CTTNBP2: variants seen among roughly 807,000 people sequenced by gnomAD.
CTTNBP2 encodes the protein cortactin binding protein 2.
In CTTNBP2, 108 loss-of-function variants were observed where a neutral mutation model predicts 156.9. The ratio of observed to expected loss-of-function variants is 0.69; its 90% CI spans 0.59 to 0.81. The LOEUF is 0.81. Ranked by LOEUF, CTTNBP2 falls within the 30% of genes least tolerant of loss-of-function variation. The probability of loss-of-function intolerance (pLI) is 0.00; values close to 1 mark genes in which losing one functional copy is unlikely to be tolerated. For missense variants in CTTNBP2, 1,924 were observed against 2,035.4 expected (o/e 0.95, Z 1.05); for synonymous variants, 767 against 751.8 (o/e 1.02, Z -0.33).
intron 22 of CTTNBP2, among the ~76,000 whole-genome samples, chr7:117,717,239 C>T (rs940287466): frequency 6.6e-6 from 1 of 152,054 alleles, no homozygotes; most frequent in Non-Finnish European, 1.5e-5. Flanking sequence ...CCTGGTTCTT[C>T]TAGTTGCCAT....
In CTTNBP2 at chr7:117,743,364, C is replaced by T. The variant is rs1374605597; in HGVS notation, c.3535+2467G>A. The stretch of plus-strand genomic sequence containing the variant: ...ACAGGGGAAAAATGATGTTTTGGCA[C>T]TAGGGCGTTTTTAAAGCCAGTAGTG... On this transcript the variant is annotated intron_variant, in intron 14 of 22. Coordinates refer to ENST00000160373, the MANE Select transcript of CTTNBP2 (RefSeq NM_033427.3). 3.3e-5 allele frequency among the ~76,000 whole-genome samples: 5 copies of T among 152,234 alleles called. No homozygotes were observed. In the East Asian group the frequency reaches 9.6e-4, roughly 29 times the overall value.
chr7:117,759,948 A>C (rs1284265770), intron 10 of CTTNBP2, among the ~76,000 whole-genome samples: 2 of 152,208 alleles, frequency 1.3e-5, no homozygotes, highest in Non-Finnish European at 2.9e-5. Flanking sequence ...AATTGAAATA[A>C]CCAATTACCA....
chr7:117,757,904 T>A lies in CTTNBP2; in HGVS notation c.3239A>T (p.Lys1080Met). 1 of 1,613,060 alleles carries A rather than the reference T, an allele frequency of 6.2e-7. No individual in the cohort carries two copies. The highest frequency in any genetic ancestry group is 8.5e-7 in the Non-Finnish European group (1 of 1,179,484). ...CAAAAGCACAGTGATGTGCTCTGCC[T>A]TATTCTTCCTCATAAAGTCCCACGG... Reference protein sequence around the residue: ...QSPWDFMRKNKAEHITVLLSG... With the variant: ...QSPWDFMRKNMAEHITVLLSG... Residue 1080 changes from lysine to methionine, a missense_variant, in exon 11 of 23, where the codon AAG becomes ATG. Lys to Met is a moderately conservative substitution (Grantham distance 95). Coordinates refer to ENST00000160373, the MANE Select transcript of CTTNBP2 (RefSeq NM_033427.3).
intron 12 of CTTNBP2, among the ~76,000 whole-genome samples, chr7:117,749,701 CTTTT>C (rs372576044): frequency 0.016 from 2,468 of 151,910 alleles, 22 homozygotes; most frequent in South Asian, 0.032. Context: ...TGGTATAAAT[CTTTT>C]TTTATTTTTT....
At chr7:117,866,089 C>T (rs1314863510) in intron 1 of CTTNBP2, among the ~76,000 whole-genome samples, 1 of 151,740 alleles carries the variant, frequency 6.6e-6, no homozygotes, top group African/African-American at 2.4e-5. Context: ...GTGGGGAGGG[C>T]ATTCTTCAGG....
rs771104600 is a variant in CTTNBP2 at position 117,791,436 on chromosome 7, G to C, written c.1760C>G (p.Thr587Ser). 4 of 1,614,212 alleles carry C rather than the reference G, an allele frequency of 2.5e-6. No individual in the cohort carries two copies. In the South Asian group the frequency reaches 4.4e-5, roughly 18 times the overall value. Residue 587 changes from threonine to serine, a missense_variant, in exon 4 of 23, where the codon ACT (threonine) becomes AGT (serine). Thr to Ser is a moderately conservative substitution (Grantham distance 58). Coordinates refer to ENST00000160373, the MANE Select transcript of CTTNBP2 (RefSeq NM_033427.3). ...GTTCCCTTGTGGCAAACTGGAAGGA[G>C]TCGAAGCCACAGTTTTGTTATCAAC... ...AKVDNKTVAS[T>S]PSSLPQGNRV...
At chr7:117,807,703 C>G (rs780988347) in intron 3 of CTTNBP2, among the ~76,000 whole-genome samples, 9 of 152,172 alleles carry the variant, frequency 5.9e-5, no homozygotes, top group Non-Finnish European at 1.3e-4. Context: ...CACTCAGGAT[C>G]TGGAGCAGTG....
Position 117,760,442 on chromosome 7 carries a change from G to T in CTTNBP2, c.3165C>A (p.Ile1055=). The T allele has an allele frequency of 6.2e-7, 1 of 1,613,742 alleles. No individual in the cohort carries two copies. Among genetic ancestry groups the T allele is most frequent in the Non-Finnish European group, 8.5e-7 (1 of 1,179,664 alleles). Residue 1055 remains isoleucine, a synonymous_variant, in exon 10 of 23, where the codon ATC becomes ATA. Transcript: ENST00000160373. The part of the protein sequence containing the change: ...IGLSARSIRS[I]TLGNVPWSVG... ...TCATAGGACTGCTGATACCTAGCGT[G>T]ATGGATCGTATGCTTCTTGCACTGA...
chr7:117,758,031 G>A (rs2116633381), intron 10 of CTTNBP2, 61 bp from the exon 11 acceptor site: 1 of 1,214,116 alleles, frequency 8.2e-7, no homozygotes, highest in Non-Finnish European at 1.2e-6. Context: ...TTCTCACAAG[G>A]GTAAACATAT....
At chr7:117,768,030 A>C (rs1052500680) in intron 8 of CTTNBP2, among the ~76,000 whole-genome samples, 12 of 152,072 alleles carry the variant, frequency 7.9e-5, no homozygotes, top group African/African-American at 2.7e-4. Context: ...AATAGACCAG[A>C]AAGCATGAAA....
chr7:117,770,307 C>G (rs1797733936), intron 8 of CTTNBP2, among the ~76,000 whole-genome samples: 1 of 152,184 alleles, frequency 6.6e-6, no homozygotes. Context: ...TCAGGTAGGT[C>G]AGTGGGCCAG....
chr7:117,851,292 A>G (rs1802915514), intron 2 of CTTNBP2, among the ~76,000 whole-genome samples: 1 of 152,080 alleles, frequency 6.6e-6, no homozygotes, highest in Non-Finnish European at 1.5e-5. Context: ...GAAGAGAGGA[A>G]ATAAAGGAAA....
intron 16 of CTTNBP2, among the ~76,000 whole-genome samples, chr7:117,728,484 G>A (rs1305617750): frequency 6.6e-6 from 1 of 152,148 alleles, no homozygotes; most frequent in South Asian, 2.1e-4. Context: ...TTCTCACCAT[G>A]AGCCTGAGTT....
intron 1 of CTTNBP2, 41 bp downstream of exon 1, chr7:117,873,294 C>T: frequency 1.5e-6 from 2 of 1,364,786 alleles, no homozygotes; most frequent in South Asian, 1.7e-5. Flanking sequence ...CCCCGGCCCG[C>T]GTCTACACTA....
intron 2 of CTTNBP2, among the ~76,000 whole-genome samples, chr7:117,843,240 G>C (rs1802380687): frequency 1.3e-5 from 2 of 152,104 alleles, no homozygotes; most frequent in Non-Finnish European, 2.9e-5. Flanking sequence ...TCAGGGACTT[G>C]GGCATCTGTG....
At chr7:117,781,871 G>A (rs940766089) in intron 6 of CTTNBP2, among the ~76,000 whole-genome samples, 1 of 152,174 alleles carries the variant, frequency 6.6e-6, no homozygotes, top group Admixed American at 6.5e-5. Flanking sequence ...TGAAAGTAAA[G>A]GTAAAAAGCA....
rs149879261 is a variant in CTTNBP2 at position 117,745,424 on chromosome 7, T to C, written c.3535+407A>G. Among the ~76,000 whole-genome samples, 1,209 of 152,278 alleles carry C rather than the reference T, an allele frequency of 7.9e-3. 6 individuals are homozygous for C. Among genetic ancestry groups the C allele is most frequent in the Non-Finnish European group, 0.011 (721 of 68,026 alleles). On this transcript the variant is annotated intron_variant, in intron 14 of 22. Transcript: ENST00000160373. ...CCCAGGTGCAGCACTAAGGGATGTA[T>C]TGGTTGTAGAGAATTTATGAGTAAT...
chr7:117,780,588 AC>A lies in CTTNBP2; in HGVS notation c.2375del (p.Cys792LeufsTer2). 1 of 1,564,772 alleles carries A rather than the reference AC, an allele frequency of 6.4e-7. No homozygotes were observed. Among genetic ancestry groups the A allele is most frequent in the Non-Finnish European group, 8.6e-7 (1 of 1,157,904 alleles). On this transcript the variant is annotated frameshift_variant and splice_region_variant, in exon 7 of 23. Coordinates refer to ENST00000160373, the MANE Select transcript of CTTNBP2 (RefSeq NM_033427.3). LOFTEE classifies it high-confidence loss of function. ...CATCATATGAAATTAATAATTCTAC[AC>A]ACCTAAACACAAGATTAGGATTAAT... ...CAAAAQGHFE[C>X]VELLISYDAN...
intron 9 of CTTNBP2, among the ~76,000 whole-genome samples, chr7:117,760,995 A>T (rs1002285385): frequency 6.8e-6 from 1 of 148,010 alleles, no homozygotes; most frequent in Non-Finnish European, 1.5e-5. Context: ...GTCAAGTTTT[A>T]AAAAAAAAAA....
Sources: gnomAD v4.1 joint callset for allele counts (sites outside exome capture counted in the v4.1 genomes callset) on GRCh38, gnomAD v4.1.1 for gene constraint, MANE v1.5 for transcripts, NCBI Gene and HGNC (gene_info 2026-07-23, HGNC 2026-07-21) for gene names.